SLC2A13: variants seen among roughly 807,000 people sequenced by gnomAD.
SLC2A13 encodes the protein solute carrier family 2 member 13.
SLC2A13 carries 32 observed loss-of-function variants against 64.4 expected under a neutral mutation model. The ratio of observed to expected loss-of-function variants is 0.50; its 90% CI spans 0.37 to 0.67. The LOEUF is 0.67. Among genes scored for constraint, SLC2A13 ranks in the 30% least tolerant of loss-of-function variants. SLC2A13 has a pLI of 0.00. For synonymous variants in SLC2A13, 338 were observed against 327.1 expected, an observed-to-expected ratio of 1.03 and a Z score of -0.36; for missense variants, 743 against 829.2, an observed-to-expected ratio of 0.90 and a Z score of 1.28.
intron 3 of SLC2A13, among the ~76,000 whole-genome samples, chr12:40,016,349 A>G (rs1947620356): frequency 6.6e-6 from 1 of 152,230 alleles, no homozygotes; most frequent in Non-Finnish European, 1.5e-5. Context: ...GCTGTTTCAG[A>G]AAGTAAAATT....
In SLC2A13 at chr12:39,804,796, A is replaced by G. The variant is rs999877649; in HGVS notation, c.1445+25307T>C. ...TGGATTAGCATACAGATACATTTATATTTACATGTTAAATATAGATGGAGA... is the reference window on the plus strand; with the variant it reads ...TGGATTAGCATACAGATACATTTATGTTTACATGTTAAATATAGATGGAGA... On this transcript the variant is annotated intron_variant, in intron 7 of 9. Coordinates refer to ENST00000280871, the MANE Select transcript of SLC2A13 (RefSeq NM_052885.4). Among the ~76,000 whole-genome samples the G allele has an allele frequency of 4.6e-5, 7 of 152,300 alleles. No homozygotes were observed. The East Asian group carries it at 1.3e-3, about 29-fold the overall frequency.
chr12:40,081,345 G>A (rs1938394547), intron 1 of SLC2A13, among the ~76,000 whole-genome samples: 1 of 152,188 alleles, frequency 6.6e-6, no homozygotes, highest in Non-Finnish European at 1.5e-5. Context: ...ATGAGTTGTA[G>A]GTTTGGTCTC....
chr12:40,022,071 T>C (rs1947728819), intron 3 of SLC2A13, among the ~76,000 whole-genome samples: 1 of 152,118 alleles, frequency 6.6e-6, no homozygotes, highest in Non-Finnish European at 1.5e-5. Flanking sequence ...TGTCCCTTCC[T>C]ATACATGACA....
chr12:40,058,754 A>C (rs1246690685), intron 1 of SLC2A13, among the ~76,000 whole-genome samples: 1 of 152,232 alleles, frequency 6.6e-6, no homozygotes, highest in East Asian at 1.9e-4. Context: ...GAAAAAGATT[A>C]TATAGCTACC....
intron 6 of SLC2A13, among the ~76,000 whole-genome samples, chr12:39,851,715 A>G (rs1374248435): frequency 6.6e-6 from 1 of 152,238 alleles, no homozygotes; most frequent in Non-Finnish European, 1.5e-5. Flanking sequence ...ATGGATTTGT[A>G]TTATCAGCTG....
intron 3 of SLC2A13, among the ~76,000 whole-genome samples, chr12:39,976,983 T>C (rs1398898108): frequency 6.6e-6 from 1 of 152,130 alleles, no homozygotes; most frequent in African/African-American, 2.4e-5. Context: ...TTCCTAAAAA[T>C]TAACTTTAAA....
chr12:39,833,299 C>G (rs1486395491), intron 6 of SLC2A13, among the ~76,000 whole-genome samples: 1 of 152,010 alleles, frequency 6.6e-6, no homozygotes, highest in African/African-American at 2.4e-5. Context: ...TTTGCTGATC[C>G]CTAATCTAGA....
At chr12:40,009,374 A>G (rs968809123) in intron 3 of SLC2A13, among the ~76,000 whole-genome samples, 2 of 152,212 alleles carry the variant, frequency 1.3e-5, no homozygotes, top group African/African-American at 4.8e-5. Context: ...CTGTTAGATA[A>G]TATCTATAAT....
In SLC2A13 at chr12:39,872,022, T is replaced by G. The variant is rs73104971; in HGVS notation, c.1035-61A>C. 3.6e-6 allele frequency: 5 copies of G among 1,389,894 alleles called. No individual in the cohort carries two copies. In the African/African-American group the frequency reaches 5.9e-5, roughly 16 times the overall value. 86.1% of individuals were successfully genotyped at this position (1,389,894 alleles called of 1,614,324 possible). A position where few individuals can be genotyped will look rare whatever the true frequency, so the allele number is the denominator to read the frequency against. ...GTTACCCAAAGAAACAGGGTTATTT[T>G]GATAGAAAAAGATGTATTCAATTTG... On this transcript the variant is annotated intron_variant, in intron 4 of 9. Coordinates refer to ENST00000280871, the MANE Select transcript of SLC2A13 (RefSeq NM_052885.4).
chr12:39,764,652 G>A (rs752946494), intron 8 of SLC2A13, 40 bp from the exon 9 acceptor site: 1 of 1,582,088 alleles, frequency 6.3e-7, no homozygotes, highest in Admixed American at 1.9e-5. Flanking sequence ...AAAATAGCAT[G>A]TAAGAAATTT....
intron 3 of SLC2A13, among the ~76,000 whole-genome samples, chr12:39,973,267 AAC>A (rs1946699076): frequency 6.6e-6 from 1 of 152,218 alleles, no homozygotes. Flanking sequence ...CAGCATTGGA[AAC>A]AGTGGCTTTC....
At chr12:39,790,573 T>TA (rs1941363761) in intron 7 of SLC2A13, among the ~76,000 whole-genome samples, 1 of 147,402 alleles carries the variant, frequency 6.8e-6, no homozygotes, top group African/African-American at 2.5e-5. Context: ...GGCTGCATAG[T>TA]ATTCCATGGT....
At chr12:39,928,987 C>A (rs990083318) in intron 4 of SLC2A13, among the ~76,000 whole-genome samples, 1 of 152,150 alleles carries the variant, frequency 6.6e-6, no homozygotes. Flanking sequence ...GCCCTCCCCA[C>A]ACATGGGGAG....
At chr12:39,780,172 A>G (rs1279952093) in intron 7 of SLC2A13, among the ~76,000 whole-genome samples, 1 of 152,168 alleles carries the variant, frequency 6.6e-6, no homozygotes, top group East Asian at 1.9e-4. Context: ...TGACAATTCA[A>G]AGCAATAGCA....
At chr12:40,068,652 T>C (rs984703220) in intron 1 of SLC2A13, 8 of 153,738 alleles carry the variant, frequency 5.2e-5, no homozygotes, top group Admixed American at 3.9e-4. Context: ...GGCCAGGGAA[T>C]GAGAAAAGCA....
rs113197117 is a variant in SLC2A13 at position 40,089,312 on chromosome 12, T to C, written c.556+15941A>G. 9.8e-5 allele frequency among the ~76,000 whole-genome samples: 15 copies of C among 152,300 alleles called. 2 individuals are homozygous for C. Among genetic ancestry groups the C allele is most frequent in the African/African-American group, 2.9e-4 (12 of 41,562 alleles). ...AAGTCAGAAGCCAAAAGTAATCAAATAGAATAACTCAGGTGTTGTCAGTGA... is the reference window on the plus strand; with the variant it reads ...AAGTCAGAAGCCAAAAGTAATCAAACAGAATAACTCAGGTGTTGTCAGTGA... On this transcript the variant is annotated intron_variant, in intron 1 of 9. Transcript: ENST00000280871.
At chr12:39,952,305 G>A (rs997845733) in intron 3 of SLC2A13, among the ~76,000 whole-genome samples, 8 of 152,146 alleles carry the variant, frequency 5.3e-5, no homozygotes, top group Non-Finnish European at 1.0e-4. Context: ...AGGACCTATG[G>A]TATTCCCGCT....
chr12:39,841,074 G>A (rs938414116), intron 6 of SLC2A13, among the ~76,000 whole-genome samples: 1 of 152,024 alleles, frequency 6.6e-6, no homozygotes, highest in African/African-American at 2.4e-5. Flanking sequence ...CTCTGTAAAA[G>A]AGTCATATTT....
intron 7 of SLC2A13, among the ~76,000 whole-genome samples, chr12:39,810,906 G>A (rs1283868450): frequency 6.6e-6 from 1 of 152,050 alleles, no homozygotes; most frequent in Non-Finnish European, 1.5e-5. Flanking sequence ...GCAGTTTCTG[G>A]ATAGATTTGG....
Sources: allele counts gnomAD v4.1 joint callset (sites outside exome capture counted in the v4.1 genomes callset), GRCh38; gene constraint gnomAD v4.1.1; transcripts MANE v1.5; gene names NCBI Gene and HGNC (gene_info 2026-07-23, HGNC 2026-07-21).